The following PLCH1 variants were observed in gnomAD, a reference collection of about 807,000 sequenced individuals.
PLCH1 encodes 1-phosphatidylinositol 4,5-bisphosphate phosphodiesterase eta-1.
In PLCH1, 60 loss-of-function variants were observed where a neutral mutation model predicts 126.7. The ratio of observed to expected loss-of-function variants is 0.47; its 90% CI spans 0.38 to 0.59. The LOEUF (loss-of-function observed/expected upper bound fraction) is 0.59, where lower values mean the gene tolerates loss of function less well. Among genes scored for constraint, PLCH1 ranks in the 20% least tolerant of loss-of-function variants. The pLI, the probability that PLCH1 is intolerant of heterozygous loss-of-function variation, is 0.00. For missense variants in PLCH1, 1,723 were observed against 2,040.0 expected (o/e 0.84, Z 2.99); for synonymous variants, 719 against 734.9 (o/e 0.98, Z 0.35).
At chr3:155,528,224 C>T in intron 10 of PLCH1, among the ~76,000 whole-genome samples, 1 of 76,070 alleles carries the variant, frequency 1.3e-5, no homozygotes, top group Admixed American at 1.3e-4. Flanking sequence ...ACTCCGTCTC[C>T]CCACCAAAAA....
rs145952361 is a variant in PLCH1, at chr3:155,708,990, T to C, written c.-40-4726A>G. On this transcript the variant is annotated intron_variant, in intron 1 of 22. Transcript: ENST00000460012. ...GCACTGATAATTTTTACTGTCTCTA[T>C]AGTTTTGCCTTTTCCGGGATGTCTT... is the stretch of plus-strand genomic sequence containing the variant. Among the ~76,000 whole-genome samples, 7 of 152,340 alleles carry C rather than the reference T, an allele frequency of 4.6e-5. No homozygotes were observed. The East Asian group carries it at 9.6e-4, about 21-fold the overall frequency.
At chr3:155,729,499 T>G (rs1361950973) in intron 1 of PLCH1, among the ~76,000 whole-genome samples, 1 of 152,196 alleles carries the variant, frequency 6.6e-6, no homozygotes. Flanking sequence ...ATGGGAGGGT[T>G]GCATGGGAAG....
At chr3:155,468,017 G>A (rs979984829) in intron 21 of PLCH1, among the ~76,000 whole-genome samples, 3 of 152,054 alleles carry the variant, frequency 2.0e-5, no homozygotes, top group African/African-American at 7.2e-5. Context: ...GACTAAATGA[G>A]GAACCAATCA....
At position 155,488,642 on chromosome 3, in the gene PLCH1, A is replaced by T. The variant is rs1311001752; in HGVS notation, c.2539+18T>A. The T allele has an allele frequency of 6.3e-7, 1 of 1,596,130 alleles. No homozygotes were observed. Among genetic ancestry groups the T allele is most frequent in the East Asian group, 2.2e-5 (1 of 44,768 alleles). On this transcript the variant is annotated intron_variant, in intron 20 of 22. Coordinates refer to ENST00000460012, the MANE Select transcript of PLCH1 (RefSeq NM_014996.4). ...AAGGAATGGTCAGTCTAGAGAGAAA[A>T]GGCCAGCTCATACCTACCAGGCACT...
rs1038261708 is a variant in PLCH1, at chr3:155,473,612, C to T, written c.2938+11744G>A. ...TATGGAACCAAAAAAGAGCCCGCATCGCCAAGGAAATCCTAAGCCAAAAGA... is the reference window on the plus strand; with the variant it reads ...TATGGAACCAAAAAAGAGCCCGCATTGCCAAGGAAATCCTAAGCCAAAAGA... On this transcript the variant is annotated intron_variant, in intron 21 of 21. Transcript: ENST00000494598. Among the ~76,000 whole-genome samples the T allele has an allele frequency of 3.0e-4, 46 of 151,448 alleles. 1 individual carries two copies. The highest frequency in any genetic ancestry group is 2.3e-3 in the South Asian group (11 of 4,780).
At chr3:155,563,808 C>T (rs532461951) in intron 8 of PLCH1, among the ~76,000 whole-genome samples, 296 of 152,256 alleles carry the variant, frequency 1.9e-3, no homozygotes, top group Non-Finnish European at 3.5e-3. Context: ...ACAGCTGACC[C>T]TCAGCTCCCT....
intron 2 of PLCH1, among the ~76,000 whole-genome samples, chr3:155,611,582 A>G (rs886317129): frequency 1.3e-5 from 2 of 152,210 alleles, no homozygotes; most frequent in Non-Finnish European, 2.9e-5. Flanking sequence ...TGGGACTTCA[A>G]TCCTCCACTG....
intron 17 of PLCH1, among the ~76,000 whole-genome samples, chr3:155,493,762 T>C (rs1716599365): frequency 6.6e-6 from 1 of 152,156 alleles, no homozygotes; most frequent in African/African-American, 2.4e-5. Flanking sequence ...TTGTTTCAGG[T>C]GGAATTGAAG....
At chr3:155,674,173 C>T (rs191937667) in intron 2 of PLCH1, among the ~76,000 whole-genome samples, 399 of 152,254 alleles carry the variant, frequency 2.6e-3, no homozygotes, top group Non-Finnish European at 4.6e-3. Context: ...CAGGTCCCTA[C>T]GTCTTCTCAG....
At chr3:155,586,285 A>T in intron 4 of PLCH1, 91 bp from the exon 5 acceptor site, 4 of 1,320,382 alleles carry the variant, frequency 3.0e-6, no homozygotes, top group Non-Finnish European at 4.3e-6. Flanking sequence ...TATCAGTAAC[A>T]CAGAACTTGA....
chr3:155,521,957 G>A (rs1489908078), intron 11 of PLCH1, among the ~76,000 whole-genome samples: 2 of 152,196 alleles, frequency 1.3e-5, no homozygotes, highest in Non-Finnish European at 1.5e-5. Flanking sequence ...ATCTCCTGAT[G>A]TGGGTTTCCA....
At chr3:155,631,342 ACT>A (rs10575864) in intron 2 of PLCH1, among the ~76,000 whole-genome samples, 73,592 of 151,736 alleles carry the variant, frequency 0.48, 20,199 homozygotes, top group African/African-American at 0.74. Flanking sequence ...GTTTAAGTAC[ACT>A]GTGTTTAAAT....
Position 155,481,890 on chromosome 3 carries a change from G to A in PLCH1, c.4136C>T (p.Pro1379Leu), listed in dbSNP as rs774656487. The A allele has an allele frequency of 3.1e-6, 5 of 1,614,060 alleles. No homozygotes were observed. The African/African-American group carries it at 5.3e-5, about 17-fold the overall frequency. ...ACCCTGATTGTACTTGAGTTTTAAA[G>A]GAGAAGCAAGTTGACTTGTGCCCTC... The part of the protein sequence containing the change: ...RREGTSQLAS[P>L]LKLKYNQGVV... The change falls in exon 23 of 23, where the codon CCT (proline) becomes CTT (leucine). Residue 1379 changes from proline to leucine, a missense_variant. Around this residue, in one of 2 missense-constraint regions of PLCH1, gnomAD observed 947 missense variants for 977.1 expected, o/e 0.97. Coordinates refer to ENST00000460012, the MANE Select transcript of PLCH1 (RefSeq NM_014996.4). The surrounding 1 kb of genome is among the most constrained non-coding windows in gnomAD (Gnocchi z 4.2).
In PLCH1 at chr3:155,523,935, C is replaced by T; in HGVS notation, c.1432G>A (p.Asp478Asn). The change falls in exon 11 of 23, where the codon GAT becomes AAT. Residue 478 changes from aspartate (D) to asparagine (N), a missense_variant. Transcript: ENST00000460012. The part of the protein sequence containing the change: ...EGEVSDEDSA[D>N]EIEDECKFKL... ...AATTTGCACTCGTCTTCAATTTCAT[C>T]TGCACTGTCCTCATCAGAAACTTCC... The T allele has an allele frequency of 1.2e-6, 2 of 1,606,564 alleles. No individual in the cohort carries two copies. The highest frequency in any genetic ancestry group is 1.7e-5 in the Admixed American group (1 of 58,294).
At chr3:155,531,227 A>G (rs1277937048) in intron 10 of PLCH1, among the ~76,000 whole-genome samples, 1 of 152,260 alleles carries the variant, frequency 6.6e-6, no homozygotes, top group African/African-American at 2.4e-5. Flanking sequence ...CAAGAGACTC[A>G]GCCTGTTCTT....
At position 155,578,227 on chromosome 3, in the gene PLCH1, C is replaced by A. The variant is rs1458434047; in HGVS notation, c.771+5245G>T. On this transcript the variant is annotated intron_variant, in intron 6 of 22. Coordinates refer to ENST00000460012, the MANE Select transcript of PLCH1 (RefSeq NM_014996.4). ...ATAGACATTTCTATTACCCAATTCC[C>A]TTTTTCTACCTGTCTTACGGCTAAC... is the stretch of plus-strand genomic sequence containing the variant. 2.0e-5 allele frequency among the ~76,000 whole-genome samples: 3 copies of A among 152,180 alleles called. No homozygotes were observed. The East Asian group carries it at 5.8e-4, about 29-fold the overall frequency.
chr3:155,560,375 T>C (rs1478550240), intron 8 of PLCH1, among the ~76,000 whole-genome samples: 2 of 152,170 alleles, frequency 1.3e-5, no homozygotes, highest in African/African-American at 4.8e-5. Flanking sequence ...TGAGACATCT[T>C]ACTGCTTGAA....
intron 10 of PLCH1, among the ~76,000 whole-genome samples, chr3:155,533,364 T>A (rs1489325394): frequency 6.6e-6 from 1 of 152,078 alleles, no homozygotes; most frequent in Non-Finnish European, 1.5e-5. Flanking sequence ...CTGACCAACA[T>A]GGTGAAACCC....
intron 2 of PLCH1, among the ~76,000 whole-genome samples, chr3:155,674,206 G>A (rs1332149150): frequency 6.6e-6 from 1 of 152,098 alleles, no homozygotes; most frequent in East Asian, 1.9e-4. Context: ...TCACTAAGAT[G>A]AGCTTTAGTG....
Sources: gnomAD v4.1 joint callset for allele counts (sites outside exome capture counted in the v4.1 genomes callset) on GRCh38, gnomAD v4.1.1 for gene constraint, gnomAD v4.1.1 regional missense constraint, Gnocchi (gnomAD v3.1) non-coding constraint, MANE v1.5 for transcripts, NCBI Gene and HGNC (gene_info 2026-07-23, HGNC 2026-07-21) for gene names.